Variants in GLIS3 observed in about 807,000 individuals in gnomAD.
GLIS3 encodes the protein zinc finger protein GLIS3.
In GLIS3, 53 loss-of-function variants were observed where a neutral mutation model predicts 78.6. That is an observed-to-expected ratio of 0.67 (90% CI 0.54 to 0.85). The LOEUF is 0.85. Among genes scored for constraint, GLIS3 ranks in the 40% least tolerant of loss-of-function variants. The pLI, the probability that GLIS3 is intolerant of heterozygous loss-of-function variation, is 0.00. For synonymous variants in GLIS3, 684 were observed against 509.9 expected, an observed-to-expected ratio of 1.34 and a Z score of -4.60; for missense variants, 1,703 against 1,231.1, an observed-to-expected ratio of 1.38 and a Z score of -5.74.
chr9:4,395,170 C>A, the GLIS3 span, among the ~76,000 whole-genome samples: 28 of 152,090 alleles, frequency 1.8e-4, no homozygotes, highest in Admixed American at 1.8e-3. Flanking sequence ...ACAAATTGGG[C>A]CCATGAATTT....
intron 2 of GLIS3, among the ~76,000 whole-genome samples, chr9:4,257,002 A>C (rs1825008849): frequency 1.3e-5 from 2 of 152,160 alleles, no homozygotes; most frequent in Admixed American, 1.3e-4. Flanking sequence ...ACATATTAAC[A>C]CATATATAGT....
the GLIS3 span, among the ~76,000 whole-genome samples, chr9:4,355,459 C>T: frequency 6.6e-6 from 1 of 152,186 alleles, no homozygotes; most frequent in Admixed American, 6.5e-5. Flanking sequence ...GGAACAATAA[C>T]TTGGCACGAA....
chr9:4,188,543 AT>A (rs1008157254), intron 2 of GLIS3, among the ~76,000 whole-genome samples: 5 of 151,412 alleles, frequency 3.3e-5, no homozygotes, highest in Admixed American at 2.0e-4. Context: ...CTCTTTTTCT[AT>A]TGATTGGAAT....
chr9:4,424,076 G>A, the GLIS3 span, among the ~76,000 whole-genome samples: 1 of 152,148 alleles, frequency 6.6e-6, no homozygotes, highest in African/African-American at 2.4e-5. Flanking sequence ...AAGGGATTTT[G>A]ACAGAAAGTT....
intron 4 of GLIS3, among the ~76,000 whole-genome samples, chr9:4,077,300 A>C (rs1828161492): frequency 6.6e-6 from 1 of 152,218 alleles, no homozygotes; most frequent in Non-Finnish European, 1.5e-5. Context: ...GCACATTCTT[A>C]AGGCTTTCAA....
At position 4,336,446 on chromosome 9, in the gene GLIS3, A is replaced by T. The variant is rs4556136; in HGVS notation, n.264+10635T>A. Among the ~76,000 whole-genome samples, 1,496 of 152,250 alleles carry T rather than the reference A, an allele frequency of 9.8e-3. 25 individuals carry two copies. The highest frequency in any genetic ancestry group is 0.034 in the African/African-American group (1,403 of 41,534). Reference sequence around the variant, plus strand: ...GGGTCAGGGACCTGGATCCCTTAGGATCATTGCTACAGTTTCTGGTGCCAG... The same window carrying T: ...GGGTCAGGGACCTGGATCCCTTAGGTTCATTGCTACAGTTTCTGGTGCCAG... On this transcript the variant is annotated intron_variant and non_coding_transcript_variant, in intron 2 of 4. Transcript: ENST00000471664.
intron 2 of GLIS3, among the ~76,000 whole-genome samples, chr9:4,267,813 G>C (rs578100544): frequency 6.6e-6 from 1 of 152,264 alleles, no homozygotes; most frequent in East Asian, 1.9e-4. Context: ...TGCCAAGAAT[G>C]AGTTTTTTAA....
intron 2 of GLIS3, among the ~76,000 whole-genome samples, chr9:4,147,089 C>T (rs1834279932): frequency 6.6e-6 from 1 of 152,158 alleles, no homozygotes; most frequent in African/African-American, 2.4e-5. Context: ...AATTAATCTC[C>T]TCTGGCCATT....
In GLIS3 at chr9:4,059,829, T is replaced by TGTGTGTGTGTGTGA; in HGVS notation, c.1710+57938_1710+57939insTCACACACACACAC. 3.0e-3 allele frequency among the ~76,000 whole-genome samples: 304 copies of TGTGTGTGTGTGTGA among 100,710 alleles called. 2 individuals carry two copies. The highest frequency in any genetic ancestry group is 5.5e-3 in the Admixed American group (50 of 9,098). 66.1% of individuals were successfully genotyped at this position (100,710 alleles called of 152,430 possible). On this transcript the variant is annotated intron_variant, in intron 4 of 10. Transcript: ENST00000381971. ...TTGTGTGTGTGTGTGTGTGTGTGTG[T>TGTGTGTGTGTGTGA]GAGAGAGAGAGAGAGAGAGAGAGAG... is the stretch of plus-strand genomic sequence containing the variant.
At chr9:4,117,391 CT>C (rs1345281846) in intron 4 of GLIS3, among the ~76,000 whole-genome samples, 4 of 152,202 alleles carry the variant, frequency 2.6e-5, no homozygotes, top group African/African-American at 4.8e-5. Flanking sequence ...GAAAAAGTCA[CT>C]GCATATTTGC....
chr9:4,004,406 T>C (rs998798660), intron 4 of GLIS3, among the ~76,000 whole-genome samples: 1 of 151,996 alleles, frequency 6.6e-6, no homozygotes, highest in Non-Finnish European at 1.5e-5. Flanking sequence ...CCTCTACAAA[T>C]ACCAAAAAAA....
At chr9:4,407,091 T>C in the GLIS3 span, among the ~76,000 whole-genome samples, 3 of 152,034 alleles carry the variant, frequency 2.0e-5, no homozygotes, top group East Asian at 1.9e-4. Flanking sequence ...GGTATAAAAA[T>C]AGACACATAG....
the GLIS3 span, among the ~76,000 whole-genome samples, chr9:4,385,303 G>C: frequency 6.6e-6 from 1 of 152,148 alleles, no homozygotes; most frequent in Non-Finnish European, 1.5e-5. Flanking sequence ...AAATCCAAAA[G>C]CTGCATTTTC....
Position 4,240,449 on chromosome 9 carries a change from G to A in GLIS3, c.388+45589C>T, listed in dbSNP as rs150138522. 1.7e-3 allele frequency among the ~76,000 whole-genome samples: 260 copies of A among 152,030 alleles called. 2 individuals carry two copies. Among genetic ancestry groups the A allele is most frequent in the African/African-American group, 6.1e-3 (254 of 41,442 alleles). On this transcript the variant is annotated intron_variant, in intron 2 of 10. Transcript: ENST00000381971. ...AGGCTACGGACCAGCAGCAGTTCGC[G>A]GTCTGGGGATTGGGAACCCCTGATC...
At chr9:3,951,841 A>AAAAC (rs1554654361) in intron 4 of GLIS3, among the ~76,000 whole-genome samples, 8 of 130,522 alleles carry the variant, frequency 6.1e-5, no homozygotes, top group African/African-American at 2.3e-4. Context: ...AATAAGCATG[A>AAAAC]ACACACACAC....
Position 4,325,504 on chromosome 9 carries a change from C to A in GLIS3, n.265-14976G>T, listed in dbSNP as rs1290729116. ...TAAGCCCACTTCCCTCAAAACCATC[C>A]CTACTTCACCTTCCAGTTGCTCTCG... On this transcript the variant is annotated intron_variant and non_coding_transcript_variant, in intron 2 of 4. Coordinates refer to the GLIS3 transcript ENST00000471664. Among the ~76,000 whole-genome samples the A allele has an allele frequency of 2.0e-5, 3 of 152,260 alleles. No individual in the cohort carries two copies. The East Asian group carries it at 5.8e-4, about 29-fold the overall frequency.
chr9:4,182,059 T>C (rs916681627), intron 2 of GLIS3, among the ~76,000 whole-genome samples: 13 of 152,186 alleles, frequency 8.5e-5, no homozygotes, highest in African/African-American at 3.1e-4. Flanking sequence ...ATGCATCCAT[T>C]CTTTAAGTAC....
chr9:4,072,435 C>T (rs1049527162), intron 4 of GLIS3, among the ~76,000 whole-genome samples: 1 of 152,190 alleles, frequency 6.6e-6, no homozygotes, highest in African/African-American at 2.4e-5. Context: ...TCAACTCTCC[C>T]ACGACAATGG....
chr9:4,462,265 A>G, the GLIS3 span, among the ~76,000 whole-genome samples: 54,010 of 152,032 alleles, frequency 0.36, 10,394 homozygotes, highest in Middle Eastern at 0.49. Flanking sequence ...GCAATAAGAC[A>G]AGCCCAGAAA....
Sources: allele counts gnomAD v4.1 joint callset (sites outside exome capture counted in the v4.1 genomes callset), GRCh38; gene constraint gnomAD v4.1.1; transcripts MANE v1.5; gene names NCBI Gene and HGNC (gene_info 2026-07-23, HGNC 2026-07-21).